The following USP47 variants were observed in gnomAD, a reference collection of about 807,000 sequenced individuals.
USP47 encodes the protein ubiquitin carboxyl-terminal hydrolase 47.
A neutral mutation model predicts 165.1 loss-of-function variants in USP47; 35 were observed. The ratio of observed to expected loss-of-function variants is 0.21; its 90% CI spans 0.16 to 0.28. The LOEUF (loss-of-function observed/expected upper bound fraction) is 0.28. Among genes scored for constraint, USP47 ranks in the 10% least tolerant of loss-of-function variants. USP47 has a pLI of 1.00. For synonymous variants in USP47, 531 were observed against 544.5 expected (o/e 0.98, Z 0.35); for missense variants, 1,277 against 1,607.4 (o/e 0.79, Z 3.52).
At chr11:11,872,000 A>G (rs1850099319) in intron 1 of USP47, among the ~76,000 whole-genome samples, 1 of 152,196 alleles carries the variant, frequency 6.6e-6, no homozygotes, top group African/African-American at 2.4e-5. Context: ...GAAATGAACT[A>G]TTCTGATTAT....
rs953989933 is a variant in USP47 at position 11,947,878 on chromosome 11, G to A, written c.3092-67G>A. 62 of 1,495,750 alleles carry A rather than the reference G, an allele frequency of 4.1e-5. 1 individual carries two copies. In the African/African-American group the frequency reaches 8.2e-4, roughly 20 times the overall value. The allele number at this position is 1,495,750 out of a possible 1,614,324, so 92.7% of individuals were successfully genotyped here. On this transcript the variant is annotated intron_variant, in intron 20 of 27. Coordinates refer to ENST00000527733, the MANE Select transcript of USP47 (RefSeq NM_001282659.2). Reference sequence around the variant, plus strand: ...CAGTGTAATAAAAAGTATATGATCTGTTTTATTTATACTCAGAGGTTTCTT... The same window carrying A: ...CAGTGTAATAAAAAGTATATGATCTATTTTATTTATACTCAGAGGTTTCTT...
At position 11,955,133 on chromosome 11, in the gene USP47, A is replaced by G; in HGVS notation, c.3862A>G (p.Ile1288Val). The G allele has an allele frequency of 1.2e-6, 2 of 1,613,774 alleles. No individual in the cohort carries two copies. Among genetic ancestry groups the G allele is most frequent in the Non-Finnish European group, 1.7e-6 (2 of 1,179,884 alleles). The change falls in exon 27 of 28, where the codon ATC becomes GTC. Residue 1288 changes from isoleucine (I) to valine (V), a missense_variant. Coordinates refer to ENST00000527733, the MANE Select transcript of USP47 (RefSeq NM_001282659.2). ...TACCCTGAATGTCTGGCCTCTTTATATCTGTGATGATGGTGCGGTCATATT... is the reference window on the plus strand; with the variant it reads ...TACCCTGAATGTCTGGCCTCTTTATGTCTGTGATGATGGTGCGGTCATATT... ...VSTLNVWPLY[I>V]CDDGAVIFYR... is the part of the protein sequence containing the mutation.
At chr11:11,938,456 A>G in intron 18 of USP47, 84 bp downstream of exon 18, 2 of 960,486 alleles carry the variant, frequency 2.1e-6, no homozygotes, top group South Asian at 1.5e-5. Context: ...TGAATAAGAT[A>G]CATGCTTTAC....
Position 11,920,368 on chromosome 11 carries a change from T to C in USP47, c.1092T>C (p.Tyr364=). The C allele has an allele frequency of 6.2e-7, 1 of 1,609,290 alleles. No homozygotes were observed. Among genetic ancestry groups the C allele is most frequent in the Admixed American group, 1.7e-5 (1 of 59,324 alleles). The change falls in exon 10 of 28, where the codon TAT becomes TAC. Residue 364 remains tyrosine (Y), a synonymous_variant. Coordinates refer to ENST00000527733, the MANE Select transcript of USP47 (RefSeq NM_001282659.2). ...RKGLRFLHFP[Y]LLTLQLKRFD... Reference sequence around the variant, plus strand: ...GCCTTCGGTTTTTGCATTTTCCTTATCTGCTGACCTTACAGCTGAAAAGAT... The same window carrying C: ...GCCTTCGGTTTTTGCATTTTCCTTACCTGCTGACCTTACAGCTGAAAAGAT...
intron 8 of USP47, among the ~76,000 whole-genome samples, chr11:11,917,828 A>G (rs2134574539): frequency 6.6e-6 from 1 of 152,310 alleles, no homozygotes; most frequent in South Asian, 2.1e-4. Flanking sequence ...AGATAGGACC[A>G]AGCATACCAG....
At chr11:11,873,785 T>C (rs1040993069) in intron 1 of USP47, 1 of 1,375,626 alleles carries the variant, frequency 7.3e-7, no homozygotes, top group Middle Eastern at 2.3e-4. Flanking sequence ...TTCATTTTGT[T>C]CTTATATACC....
intron 24 of USP47, 21 bp from the exon 25 acceptor site, chr11:11,952,720 C>A: frequency 6.4e-7 from 1 of 1,567,958 alleles, no homozygotes; most frequent in Non-Finnish European, 8.6e-7. Context: ...AGAATGATGA[C>A]CTAATCTTGC....
chr11:11,855,396 A>G (rs1431717719), intron 1 of USP47, among the ~76,000 whole-genome samples: 2 of 152,216 alleles, frequency 1.3e-5, no homozygotes, highest in East Asian at 3.9e-4. Flanking sequence ...TGTCCCTGTC[A>G]GTGGTACTAT....
intron 1 of USP47, among the ~76,000 whole-genome samples, chr11:11,864,174 A>G (rs79313271): frequency 6.6e-6 from 1 of 151,958 alleles, no homozygotes; most frequent in Non-Finnish European, 1.5e-5. Flanking sequence ...AGTTAAAAAA[A>G]TTTTTTTGTA....
At chr11:11,933,237 C>T (rs1854807293) in intron 15 of USP47, 121 bp downstream of exon 15, 2 of 835,752 alleles carry the variant, frequency 2.4e-6, no homozygotes, top group Admixed American at 5.0e-5. Flanking sequence ...GATCATTGAA[C>T]AGTGTAACCA....
At chr11:11,901,436 T>C (rs1384445762) in intron 5 of USP47, among the ~76,000 whole-genome samples, 1 of 152,204 alleles carries the variant, frequency 6.6e-6, no homozygotes, top group Admixed American at 6.5e-5. Context: ...TTAAAGACTT[T>C]GGTGGGTACA....
At chr11:11,929,629 A>G (rs370033935) in intron 12 of USP47, 64 bp downstream of exon 12, 414 of 1,571,380 alleles carry the variant, frequency 2.6e-4, no homozygotes, top group Non-Finnish European at 3.4e-4. Flanking sequence ...TCTAAACAAC[A>G]GTAAAGTTTA....
chr11:11,842,252 T>G (rs1022418218), intron 1 of USP47, 28 bp downstream of exon 1: 1 of 1,549,978 alleles, frequency 6.5e-7, no homozygotes, highest in African/African-American at 1.4e-5. Context: ...AGGTTAGGCC[T>G]TAGGCCTGCG....
At chr11:11,924,476 A>G (rs999297788) in intron 11 of USP47, among the ~76,000 whole-genome samples, 51 of 152,186 alleles carry the variant, frequency 3.4e-4, no homozygotes, top group Non-Finnish European at 1.9e-4. Flanking sequence ...GGCTCATGTA[A>G]TAAGTTAGGG....
At chr11:11,933,705 G>A (rs556083252) in intron 15 of USP47, 126 bp from the exon 16 acceptor site, 10 of 622,880 alleles carry the variant, frequency 1.6e-5, no homozygotes, top group Admixed American at 6.0e-5. Context: ...AGAATAGATA[G>A]AAGAGTGATC....
chr11:11,850,464 G>T (rs1848663892), intron 1 of USP47, among the ~76,000 whole-genome samples: 1 of 118,940 alleles, frequency 8.4e-6, no homozygotes, highest in Non-Finnish European at 1.7e-5. Context: ...TCTCTCTTAG[G>T]AAATATTGGT....
In USP47 at chr11:11,925,634, G is replaced by GTT. The variant is rs34781797; in HGVS notation, c.1386+2753_1386+2754dup. ...CTTTTTGTTGAATTTACTTGTTAGG[G>GTT]TTTTTTTTTTTATGCGGAATCTTTA... On this transcript the variant is annotated intron_variant, in intron 11 of 27. Coordinates refer to ENST00000527733, the MANE Select transcript of USP47 (RefSeq NM_001282659.2). Among the ~76,000 whole-genome samples, 67 of 146,400 alleles carry GTT rather than the reference G, an allele frequency of 4.6e-4. 1 individual carries two copies. In the South Asian group the frequency reaches 6.5e-3, roughly 14 times the overall value.
chr11:11,854,613 A>G (rs1848921898), intron 1 of USP47, among the ~76,000 whole-genome samples: 2 of 147,526 alleles, frequency 1.4e-5, no homozygotes, highest in Admixed American at 1.4e-4. Flanking sequence ...GTTGTTATTC[A>G]ACAAATATTT....
intron 7 of USP47, among the ~76,000 whole-genome samples, chr11:11,904,340 A>C (rs1368859596): frequency 6.6e-6 from 1 of 152,226 alleles, no homozygotes; most frequent in Non-Finnish European, 1.5e-5. Context: ...AGTGACGGTC[A>C]ATCCAGTTTG....
Sources: gnomAD v4.1 joint callset for allele counts (sites outside exome capture counted in the v4.1 genomes callset) on GRCh38, gnomAD v4.1.1 for gene constraint, MANE v1.5 for transcripts, NCBI Gene and HGNC (gene_info 2026-07-23, HGNC 2026-07-21) for gene names.